The following SLC22A23 variants were observed in gnomAD, a reference collection of about 807,000 sequenced individuals.
SLC22A23 encodes the protein ion transporter protein.
In SLC22A23, 26 loss-of-function variants were observed where a neutral mutation model predicts 61.0. The observed-to-expected ratio is 0.43, with a 90% CI of 0.31 to 0.59. SLC22A23 has a LOEUF of 0.59. Among genes scored for constraint, SLC22A23 ranks in the 20% least tolerant of loss-of-function variants. The probability of loss-of-function intolerance (pLI) is 0.11; values close to 1 mark genes in which losing one functional copy is unlikely to be tolerated. For missense variants in SLC22A23, 796 were observed against 934.7 expected (o/e 0.85, Z 1.94); for synonymous variants, 430 against 413.9 (o/e 1.04, Z -0.47).
chr6:3,354,052 G>C (rs1309593593), intron 3 of SLC22A23, among the ~76,000 whole-genome samples: 3 of 152,214 alleles, frequency 2.0e-5, no homozygotes, highest in Admixed American at 6.5e-5. Context: ...CCACTTATCT[G>C]GACCCATAAA....
intron 2 of SLC22A23, among the ~76,000 whole-genome samples, chr6:3,411,440 AAC>A (rs1180522837): frequency 6.6e-6 from 1 of 152,104 alleles, no homozygotes; most frequent in South Asian, 2.1e-4. Flanking sequence ...AATATACAGA[AAC>A]AGAAAGTAGA....
intron 4 of SLC22A23, among the ~76,000 whole-genome samples, chr6:3,316,783 C>T (rs1275475024): frequency 6.6e-6 from 1 of 152,178 alleles, no homozygotes; most frequent in Non-Finnish European, 1.5e-5. Context: ...GATACAGACA[C>T]GTGCTCCCAT....
At chr6:3,363,823 C>G (rs1269385411) in intron 3 of SLC22A23, among the ~76,000 whole-genome samples, 1 of 152,364 alleles carries the variant, frequency 6.6e-6, no homozygotes, top group East Asian at 1.9e-4. Flanking sequence ...AGTGCCCCTG[C>G]CCCCATCCTG....
intron 9 of SLC22A23, among the ~76,000 whole-genome samples, chr6:3,280,015 G>A (rs777501110): frequency 1.3e-5 from 2 of 152,174 alleles, no homozygotes; most frequent in Non-Finnish European, 2.9e-5. Context: ...CCCGAGGCGA[G>A]GCTCCTGTTC....
chr6:3,296,358 G>A (rs748365032), intron 5 of SLC22A23, among the ~76,000 whole-genome samples: 4 of 152,222 alleles, frequency 2.6e-5, no homozygotes, highest in East Asian at 1.9e-4. Context: ...ACAAGTCCTC[G>A]CTCAACTTCT....
intron 3 of SLC22A23, among the ~76,000 whole-genome samples, chr6:3,368,306 C>A (rs1395236880): frequency 1.3e-5 from 2 of 152,184 alleles, no homozygotes; most frequent in African/African-American, 4.8e-5. Context: ...ATGCTCAACC[C>A]GAGCTGCTCC....
At chr6:3,403,260 C>A (rs1434986061) in intron 3 of SLC22A23, among the ~76,000 whole-genome samples, 1 of 151,566 alleles carries the variant, frequency 6.6e-6, no homozygotes, top group Non-Finnish European at 1.5e-5. Context: ...AAAACAAAGT[C>A]AGCCCAGTAT....
chr6:3,416,585 T>A (rs1478421240), intron 1 of SLC22A23, among the ~76,000 whole-genome samples: 1 of 152,234 alleles, frequency 6.6e-6, no homozygotes, highest in Non-Finnish European at 1.5e-5. Context: ...ACTTGCAGGA[T>A]CAGGACGTAA....
chr6:3,384,883 G>A (rs957334198), intron 3 of SLC22A23, among the ~76,000 whole-genome samples: 15 of 152,236 alleles, frequency 9.9e-5, no homozygotes, highest in Admixed American at 9.8e-4. Flanking sequence ...CTATCCATAC[G>A]ATATAATACG....
At chr6:3,275,019 A>C (rs1296465858) in intron 9 of SLC22A23, among the ~76,000 whole-genome samples, 3 of 152,136 alleles carry the variant, frequency 2.0e-5, no homozygotes, top group Non-Finnish European at 4.4e-5. Context: ...AAAGACTCAG[A>C]GTAGTCAAAA....
Position 3,410,708 on chromosome 6 carries a change from A to C in SLC22A23, c.759-366T>G, listed in dbSNP as rs183078931. Reference sequence around the variant, plus strand: ...GAACCTTGATACACCCAGCATAAAAAGTCTTGAGAAATCGTTGACCTTTGG... The same window carrying C: ...GAACCTTGATACACCCAGCATAAAACGTCTTGAGAAATCGTTGACCTTTGG... On this transcript the variant is annotated intron_variant, in intron 2 of 9. Transcript: ENST00000406686. The surrounding 1 kb of genome is among the most constrained non-coding windows in gnomAD (Gnocchi z 5.0). Among the ~76,000 whole-genome samples the C allele has an allele frequency of 3.3e-5, 5 of 152,186 alleles. No homozygotes were observed. The highest frequency in any genetic ancestry group is 1.2e-4 in the African/African-American group (5 of 41,448).
intron 3 of SLC22A23, among the ~76,000 whole-genome samples, chr6:3,359,569 G>A (rs1403963160): frequency 6.8e-6 from 1 of 147,116 alleles, no homozygotes; most frequent in Non-Finnish European, 1.5e-5. Flanking sequence ...TGGGGAAACT[G>A]GAACCCTGGT....
chr6:3,298,470 T>A (rs1189452743), intron 4 of SLC22A23, among the ~76,000 whole-genome samples: 1 of 149,616 alleles, frequency 6.7e-6, no homozygotes, highest in Non-Finnish European at 1.5e-5. Flanking sequence ...TATGGAAGCT[T>A]AAAAAAAAAG....
At position 3,309,537 on chromosome 6, in the gene SLC22A23, G is replaced by A. The variant is rs1762225103; in HGVS notation, c.1083-11319C>T. 6.6e-6 allele frequency among the ~76,000 whole-genome samples: 1 copy of A among 151,666 alleles called. No homozygotes were observed. Among genetic ancestry groups the A allele is most frequent in the Non-Finnish European group, 1.5e-5 (1 of 67,926 alleles). On this transcript the variant is annotated intron_variant, in intron 4 of 9. Transcript: ENST00000406686. This position sits in a 1 kb window ranked among gnomAD's most constrained non-coding sequence, Gnocchi z 4.7. ...CGTAATAAGGACTGTGGGCTGACAA[G>A]CAGGTGGCACCTGACCATAATAAGG...
At chr6:3,276,517 C>T (rs1454946313) in intron 9 of SLC22A23, among the ~76,000 whole-genome samples, 2 of 152,258 alleles carry the variant, frequency 1.3e-5, no homozygotes, top group Non-Finnish European at 2.9e-5. Flanking sequence ...CCAATGGCTC[C>T]CTCCTGCCTG....
At chr6:3,331,892 G>C (rs961010316) in intron 3 of SLC22A23, among the ~76,000 whole-genome samples, 4 of 152,226 alleles carry the variant, frequency 2.6e-5, no homozygotes, top group Non-Finnish European at 4.4e-5. Flanking sequence ...TGAAGGAGCA[G>C]AGACGGGACA....
At chr6:3,441,712 C>A (rs118036600) in intron 1 of SLC22A23, among the ~76,000 whole-genome samples, 2 of 152,190 alleles carry the variant, frequency 1.3e-5, no homozygotes, top group Non-Finnish European at 2.9e-5. Flanking sequence ...GGTTCACCCC[C>A]CACCCTCAGC....
At chr6:3,316,252 C>G (rs1417334154) in intron 4 of SLC22A23, among the ~76,000 whole-genome samples, 1 of 152,204 alleles carries the variant, frequency 6.6e-6, no homozygotes, top group African/African-American at 2.4e-5. Context: ...CCCCCACCTA[C>G]AAATAGGAAT....
rs147580105 is a variant in SLC22A23, at chr6:3,286,896, G to A, written c.1509C>T (p.Thr503=). Residue 503 remains threonine, a synonymous_variant, in exon 7 of 10, where the codon ACC becomes ACT. Coordinates refer to ENST00000406686, the MANE Select transcript of SLC22A23 (RefSeq NM_015482.2). This position sits in a 1 kb window ranked among gnomAD's most constrained non-coding sequence, Gnocchi z 4.2. ...RGGLLLFMIL[T]ALASLLQLGL... is the part of the protein sequence containing the mutation. The stretch of plus-strand genomic sequence containing the variant: ...CGAGCTGCAGGAGTGAGGCCAGGGC[G>A]GTGAGGATCATGAAGAGCAGCAGCC... The A allele has an allele frequency of 1.8e-4, 286 of 1,611,538 alleles. No homozygotes were observed. Among genetic ancestry groups the A allele is most frequent in the African/African-American group, 3.1e-4 (23 of 75,006 alleles).
Sources: gnomAD v4.1 joint callset for allele counts (sites outside exome capture counted in the v4.1 genomes callset) on GRCh38, gnomAD v4.1.1 for gene constraint, Gnocchi (gnomAD v3.1) non-coding constraint, MANE v1.5 for transcripts, NCBI Gene and HGNC (gene_info 2026-07-23, HGNC 2026-07-21) for gene names.